Variants in CRIM1 observed in about 807,000 individuals in gnomAD.
The protein encoded by CRIM1 is cysteine rich transmembrane BMP regulator 1, also known as cysteine-rich motor neuron 1 protein.
In CRIM1, 32 loss-of-function variants were observed where a neutral mutation model predicts 116.4. The observed-to-expected ratio is 0.27, with a 90% confidence interval of 0.21 to 0.37. CRIM1 has a LOEUF of 0.37. Ranked by LOEUF, CRIM1 falls within the 10% of genes least tolerant of loss-of-function variation. The pLI, the probability that CRIM1 is intolerant of heterozygous loss-of-function variation, is 1.00. For missense variants in CRIM1, 1,331 were observed against 1,354.8 expected (o/e 0.98, Z 0.28); for synonymous variants, 590 against 509.2 (o/e 1.16, Z -2.13).
Position 36,548,507 on chromosome 2 carries a change from C to G in CRIM1, c.2935-18C>G. 6.5e-7 allele frequency: 1 copy of G among 1,527,050 alleles called. No individual in the cohort carries two copies. The highest frequency in any genetic ancestry group is 8.8e-7 in the Non-Finnish European group (1 of 1,140,276). The allele number at this position is 1,527,050 out of a possible 1,614,324, so 94.6% of individuals were successfully genotyped here. On this transcript the variant is annotated intron_variant, in intron 16 of 16. Transcript: ENST00000280527. Reference sequence around the variant, plus strand: ...GCAACTAATTTTTTGTGGTTTTATTCCTCCTCTCATTAAATAGCCTTCTTC... The same window carrying G: ...GCAACTAATTTTTTGTGGTTTTATTGCTCCTCTCATTAAATAGCCTTCTTC...
intron 1 of CRIM1, chr2:36,379,330 C>G (rs1350753113): frequency 6.6e-6 from 1 of 152,210 alleles, no homozygotes; most frequent in Non-Finnish European, 1.5e-5. Context: ...TTCCTTCTTT[C>G]TCATGTTTCT....
chr2:36,476,867 T>C, intron 5 of CRIM1, 22 bp from the exon 6 acceptor site: 6 of 1,587,782 alleles, frequency 3.8e-6, no homozygotes, highest in Non-Finnish European at 5.2e-6. Flanking sequence ...AAATATGCCT[T>C]GTTTGTTTTA....
chr2:36,451,259 C>G (rs1256479036), intron 4 of CRIM1, among the ~76,000 whole-genome samples: 1 of 152,046 alleles, frequency 6.6e-6, no homozygotes, highest in Non-Finnish European at 1.5e-5. Context: ...CAAAAAGGCT[C>G]CCAAGTTTTG....
At chr2:36,382,866 G>A (rs1220131789) in intron 1 of CRIM1, among the ~76,000 whole-genome samples, 2 of 152,182 alleles carry the variant, frequency 1.3e-5, no homozygotes, top group African/African-American at 2.4e-5. Context: ...TTTGAAACTT[G>A]GTGATCATTA....
Position 36,356,290 on chromosome 2 carries a change from A to G in CRIM1, c.-3A>G. ...GAGGAGGAGGCGGCGGCGGCGCAGG[A>G]GGATGTACTTGGTGGCGGGGGACAG... On this transcript the variant is annotated 5_prime_UTR_variant, in exon 1 of 17. Coordinates refer to ENST00000280527, the MANE Select transcript of CRIM1 (RefSeq NM_016441.3). The surrounding 1 kb of genome is among the most constrained non-coding windows in gnomAD (Gnocchi z 4.3). 6.7e-7 allele frequency: 1 copy of G among 1,485,634 alleles called. No individual in the cohort carries two copies. Among genetic ancestry groups the G allele is most frequent in the Non-Finnish European group, 9.0e-7 (1 of 1,111,024 alleles). 92.0% of individuals were successfully genotyped at this position (1,485,634 alleles called of 1,614,324 possible).
At chr2:36,405,007 G>A (rs1286485959) in intron 2 of CRIM1, among the ~76,000 whole-genome samples, 1 of 151,732 alleles carries the variant, frequency 6.6e-6, no homozygotes, top group Non-Finnish European at 1.5e-5. Context: ...TTGTTACCTC[G>A]TCCTTGGTCT....
At chr2:36,369,627 T>C (rs1391030756) in intron 1 of CRIM1, among the ~76,000 whole-genome samples, 3 of 152,194 alleles carry the variant, frequency 2.0e-5, no homozygotes, top group Non-Finnish European at 4.4e-5. Context: ...AAATGTTATA[T>C]GTAATATAGG....
At chr2:36,534,828 G>A (rs1389689394) in intron 13 of CRIM1, among the ~76,000 whole-genome samples, 1 of 151,988 alleles carries the variant, frequency 6.6e-6, no homozygotes, top group Non-Finnish European at 1.5e-5. Flanking sequence ...GGAATGAGGA[G>A]TTTTACCTCC....
intron 2 of CRIM1, among the ~76,000 whole-genome samples, chr2:36,420,015 G>A (rs371700520): frequency 1.6e-4 from 24 of 152,114 alleles, no homozygotes; most frequent in East Asian, 1.4e-3. Context: ...AATGTTTGTC[G>A]CTTCTGACTT....
intron 7 of CRIM1, among the ~76,000 whole-genome samples, chr2:36,481,310 A>C (rs1251274308): frequency 6.6e-6 from 1 of 152,112 alleles, no homozygotes. Flanking sequence ...ATTTATTACC[A>C]TTTTCTTAGC....
chr2:36,446,556 T>A (rs1223137453), intron 4 of CRIM1, among the ~76,000 whole-genome samples: 1 of 152,230 alleles, frequency 6.6e-6, no homozygotes, highest in East Asian at 1.9e-4. Context: ...ACTTCTTTTG[T>A]GTCTTTTCTC....
At chr2:36,395,653 C>A (rs1671970078) in intron 1 of CRIM1, among the ~76,000 whole-genome samples, 1 of 152,138 alleles carries the variant, frequency 6.6e-6, no homozygotes, top group Admixed American at 6.5e-5. Flanking sequence ...TTTATTGTGA[C>A]CTGCTCCATT....
At chr2:36,373,505 T>G (rs1023500294) in intron 1 of CRIM1, among the ~76,000 whole-genome samples, 11 of 152,198 alleles carry the variant, frequency 7.2e-5, no homozygotes, top group African/African-American at 2.7e-4. Flanking sequence ...GACTGGCCTA[T>G]CGTTCCTACA....
intron 5 of CRIM1, 25 bp from the exon 6 acceptor site, chr2:36,476,864 C>T: frequency 3.2e-6 from 5 of 1,578,758 alleles, no homozygotes; most frequent in Non-Finnish European, 4.3e-6. Context: ...TACAAATATG[C>T]CTTGTTTGTT....
At chr2:36,405,125 ATAT>A (rs920327821) in intron 2 of CRIM1, among the ~76,000 whole-genome samples, 4 of 152,296 alleles carry the variant, frequency 2.6e-5, no homozygotes, top group African/African-American at 7.2e-5. Flanking sequence ...TTAGAAAGAA[ATAT>A]TATGCCATTT....
rs752209497 is a variant in CRIM1 at position 36,517,376 on chromosome 2, C to T, written c.2040C>T (p.His680=). The T allele has an allele frequency of 1.4e-5, 23 of 1,614,094 alleles. No individual in the cohort carries two copies. The highest frequency in any genetic ancestry group is 4.0e-5 in the African/African-American group (3 of 74,936). ...AGCTCAGTACTCCCTCCATTTGCCACGCCCCTGGAGGAGAATACTTTGTGG... is the reference window on the plus strand; with the variant it reads ...AGCTCAGTACTCCCTCCATTTGCCATGCCCCTGGAGGAGAATACTTTGTGG... ...KPELSTPSIC[H]APGGEYFVEG... is the part of the protein sequence containing the mutation. Residue 680 remains histidine (H), a synonymous_variant, in exon 12 of 17, where the codon CAC becomes CAT. Transcript: ENST00000280527.
At chr2:36,470,871 A>G (rs1288884834) in intron 5 of CRIM1, among the ~76,000 whole-genome samples, 1 of 152,198 alleles carries the variant, frequency 6.6e-6, no homozygotes, top group African/African-American at 2.4e-5. Flanking sequence ...AACCTTCTGC[A>G]AAGGATTCAC....
chr2:36,479,456 G>C, intron 6 of CRIM1, 41 bp from the exon 7 acceptor site: 1 of 1,592,504 alleles, frequency 6.3e-7, no homozygotes, highest in Non-Finnish European at 8.6e-7. Flanking sequence ...ATAAGATTTA[G>C]AAGATGCTCA....
chr2:36,429,463 G>A (rs1674706738), intron 2 of CRIM1, among the ~76,000 whole-genome samples: 2 of 152,188 alleles, frequency 1.3e-5, no homozygotes, highest in South Asian at 2.1e-4. Flanking sequence ...TGTGTGGGTT[G>A]CTGTATGGTA....
Sources: gnomAD v4.1 joint callset for allele counts (sites outside exome capture counted in the v4.1 genomes callset) on GRCh38, gnomAD v4.1.1 for gene constraint, Gnocchi (gnomAD v3.1) non-coding constraint, MANE v1.5 for transcripts, NCBI Gene and HGNC (gene_info 2026-07-23, HGNC 2026-07-21) for gene names.